Variants in MIER1 observed in about 807,000 individuals in gnomAD.
The protein encoded by MIER1 is MIER1 transcriptional regulator.
In MIER1, 40 loss-of-function variants were observed where a neutral mutation model predicts 75.7. The observed-to-expected ratio is 0.53, with a 90% CI of 0.41 to 0.69. The LOEUF is 0.69. MIER1 is among the 30% of genes least tolerant of loss of function. The probability of loss-of-function intolerance (pLI) is 0.00; values close to 1 mark genes in which losing one functional copy is unlikely to be tolerated. For synonymous variants in MIER1, 213 were observed against 223.4 expected (o/e 0.95, Z 0.42); for missense variants, 574 against 680.2 (o/e 0.84, Z 1.74).
intron 10 of MIER1, 135 bp downstream of exon 10, chr1:66,971,871 A>G (rs1663674850): frequency 4.0e-6 from 2 of 501,772 alleles, no homozygotes; most frequent in South Asian, 5.5e-5. Context: ...AATACCAAGT[A>G]TTACTAAACA....
At chr1:66,967,877 A>G (rs989393576) in intron 8 of MIER1, among the ~76,000 whole-genome samples, 1 of 152,084 alleles carries the variant, frequency 6.6e-6, no homozygotes, top group African/African-American at 2.4e-5. Flanking sequence ...TGAATTTGTC[A>G]GTTCTAATAG....
chr1:66,935,377 A>G (rs1345547453), intron 2 of MIER1, among the ~76,000 whole-genome samples: 1 of 152,182 alleles, frequency 6.6e-6, no homozygotes, highest in Non-Finnish European at 1.5e-5. Flanking sequence ...GTTTTAGCCC[A>G]TTCATACTCT....
chr1:66,966,615 T>A (rs995337239), intron 8 of MIER1, among the ~76,000 whole-genome samples: 6 of 152,216 alleles, frequency 3.9e-5, no homozygotes, highest in Admixed American at 2.0e-4. Flanking sequence ...CGCCACACTG[T>A]CTTCCACAAT....
intron 2 of MIER1, among the ~76,000 whole-genome samples, chr1:66,937,628 T>A (rs1156641614): frequency 6.6e-6 from 1 of 152,166 alleles, no homozygotes; most frequent in Non-Finnish European, 1.5e-5. Context: ...TATATGAATG[T>A]AAGCTGGATG....
intron 2 of MIER1, among the ~76,000 whole-genome samples, chr1:66,928,510 A>C (rs1652355216): frequency 6.6e-6 from 1 of 152,162 alleles, no homozygotes; most frequent in Non-Finnish European, 1.5e-5. Context: ...CCATGGTATA[A>C]AGCCTGAGTT....
chr1:66,944,791 T>G (rs191757257), intron 3 of MIER1, among the ~76,000 whole-genome samples: 138 of 152,202 alleles, frequency 9.1e-4, no homozygotes, highest in African/African-American at 3.3e-3. Flanking sequence ...AGTAGTGTGA[T>G]CATGACTCAC....
At chr1:66,964,448 C>CTTTTTTTTTTTTTTTTTT (rs71058483) in intron 8 of MIER1, among the ~76,000 whole-genome samples, 3 of 119,792 alleles carry the variant, frequency 2.5e-5, no homozygotes, top group African/African-American at 6.4e-5. Flanking sequence ...TGTATGTTTC[C>CTTTTTTTTTTTTTTTTTT]TTTTTTTTTT....
At chr1:66,974,743 G>A (rs1320687821) in intron 11 of MIER1, among the ~76,000 whole-genome samples, 1 of 152,066 alleles carries the variant, frequency 6.6e-6, no homozygotes, top group East Asian at 1.9e-4. Flanking sequence ...TTACTCTAGT[G>A]CACAAAAAGA....
At chr1:66,942,805 C>A (rs537230567) in intron 3 of MIER1, among the ~76,000 whole-genome samples, 123 of 151,654 alleles carry the variant, frequency 8.1e-4, no homozygotes, top group Admixed American at 1.2e-3. Context: ...AAGTAGTTCA[C>A]CTACACTTTG....
rs1200904558 is a variant in MIER1, at chr1:66,979,477, C to G, written c.1230-2302C>G. Among the ~76,000 whole-genome samples, 7 of 152,218 alleles carry G rather than the reference C, an allele frequency of 4.6e-5. No homozygotes were observed. In the East Asian group the frequency reaches 1.3e-3, roughly 29 times the overall value. On this transcript the variant is annotated intron_variant, in intron 12 of 13. Transcript: ENST00000401041. Reference sequence around the variant, plus strand: ...TTCTGCTACACATTGTCCCTATTTACTACCTGGAAGAATTGGGAACCTTAT... The same window carrying G: ...TTCTGCTACACATTGTCCCTATTTAGTACCTGGAAGAATTGGGAACCTTAT...
rs750609508 is a variant in MIER1 at position 66,986,385 on chromosome 1, CTTG to C, written c.*1488_*1490del. 14 of 1,608,296 alleles carry C rather than the reference CTTG, an allele frequency of 8.7e-6. No homozygotes were observed. The African/African-American group carries it at 1.7e-4, about 20-fold the overall frequency. ...AAACTTTTATAAAATATTAATTATT[CTTG>C]TTTTTCTCACACAGGCATACTCCAA... is the stretch of plus-strand genomic sequence containing the variant. On this transcript the variant is annotated 3_prime_UTR_variant, in exon 14 of 14. Transcript: ENST00000401041.
In MIER1 at chr1:66,986,431, T is replaced by C; in HGVS notation, c.*1531T>C. ...TACTCCAAATGCTTCTTCCAGTTCATTTTTCAGCCATCAGTTCAAGAGCCA... is the reference window on the plus strand; with the variant it reads ...TACTCCAAATGCTTCTTCCAGTTCACTTTTCAGCCATCAGTTCAAGAGCCA... On this transcript the variant is annotated 3_prime_UTR_variant, in exon 14 of 14. Coordinates refer to ENST00000401041, the MANE Select transcript of MIER1 (RefSeq NM_001077700.3). 1 of 1,612,944 alleles carries C rather than the reference T, an allele frequency of 6.2e-7. No homozygotes were observed. The highest frequency in any genetic ancestry group is 8.5e-7 in the Non-Finnish European group (1 of 1,179,174).
chr1:66,961,469 T>TTTCCC (rs1661242724), intron 7 of MIER1, among the ~76,000 whole-genome samples: 1 of 152,212 alleles, frequency 6.6e-6, no homozygotes, highest in South Asian at 2.1e-4. Context: ...TTCAAAGCTA[T>TTTCCC]TTCCCTTCCC....
At chr1:66,975,745 G>A (rs375724044) in intron 11 of MIER1, among the ~76,000 whole-genome samples, 1 of 152,068 alleles carries the variant, frequency 6.6e-6, no homozygotes, top group African/African-American at 2.4e-5. Context: ...ACAGTAAGCC[G>A]CAAGAGTAAC....
rs1397992029 is a variant in MIER1, at chr1:66,972,901, A to G, written c.1011A>G (p.Glu337=). Residue 337 remains glutamate (E), a synonymous_variant, in exon 11 of 14, where the codon GAA becomes GAG. Transcript: ENST00000401041. The part of the protein sequence containing the change: ...LRFNVKAARE[E]LSVWTEEECR... ...TTGTTCCTCCCATCTTGTCAGAGGA[A>G]TTATCTGTTTGGACAGAGGAAGAGT... 6 of 1,566,892 alleles carry G rather than the reference A, an allele frequency of 3.8e-6. No homozygotes were observed. Among genetic ancestry groups the G allele is most frequent in the African/African-American group, 1.4e-5 (1 of 73,834 alleles).
At chr1:66,930,384 C>T (rs1257580173) in intron 2 of MIER1, 4 of 1,608,062 alleles carry the variant, frequency 2.5e-6, no homozygotes, top group Non-Finnish European at 3.4e-6. Context: ...CCCGGCAGTA[C>T]GGCAAATATG....
chr1:66,958,752 A>T, intron 5 of MIER1, 99 bp from the exon 6 acceptor site: 1 of 897,816 alleles, frequency 1.1e-6, no homozygotes, highest in Non-Finnish European at 1.7e-6. Context: ...TATTCATTTT[A>T]GTCTTCTGCA....
At chr1:66,947,459 A>C (rs1275411033) in intron 4 of MIER1, 1 of 152,184 alleles carries the variant, frequency 6.6e-6, no homozygotes, top group Non-Finnish European at 1.5e-5. Flanking sequence ...CCTAAGTCAG[A>C]AACCAGTGAG....
At position 66,970,933 on chromosome 1, in the gene MIER1, G is replaced by A. The variant is rs1663464131; in HGVS notation, c.898G>A (p.Gly300Arg). 6.3e-7 allele frequency: 1 copy of A among 1,581,840 alleles called. No individual in the cohort carries two copies. Among genetic ancestry groups the A allele is most frequent in the African/African-American group, 1.4e-5 (1 of 72,518 alleles). Residue 300 changes from glycine to arginine, a missense_variant, in exon 9 of 14, where the codon GGA becomes AGA. Physicochemically the swap from Gly to Arg is moderately radical, Grantham distance 125. Coordinates refer to ENST00000401041, the MANE Select transcript of MIER1 (RefSeq NM_001077700.3). Reference sequence around the variant, plus strand: ...GAAGGGTGTAGAAGCAATTCCTGAAGGATCTCACATAAAAGACAATGAACA... The same window carrying A: ...GAAGGGTGTAGAAGCAATTCCTGAAAGATCTCACATAAAAGACAATGAACA... ...DEKGVEAIPEGSHIKDNEQAL... is the reference protein window; with the variant it reads ...DEKGVEAIPERSHIKDNEQAL...
Sources: allele counts gnomAD v4.1 joint callset (sites outside exome capture counted in the v4.1 genomes callset), GRCh38; gene constraint gnomAD v4.1.1; transcripts MANE v1.5; gene names NCBI Gene and HGNC (gene_info 2026-07-23, HGNC 2026-07-21).